Variants in SYNE1 observed in about 807,000 individuals in gnomAD.
SYNE1 encodes the protein spectrin repeat containing nuclear envelope protein 1.
In SYNE1, 616 loss-of-function variants were observed where a neutral mutation model predicts 1,111.0. That is an observed-to-expected ratio of 0.55 (90% CI 0.52 to 0.59). SYNE1 has a LOEUF of 0.59. SYNE1 is among the 20% of genes least tolerant of loss of function. SYNE1 has a pLI of 0.00. For missense variants in SYNE1, 10,006 were observed against 10,417.0 expected (o/e 0.96, Z 1.72); for synonymous variants, 3,855 against 3,825.8 (o/e 1.01, Z -0.28).
In SYNE1 at chr6:152,465,621, T is replaced by A. The variant is rs77063378; in HGVS notation, c.1730-161A>T. 0.022 allele frequency among the ~76,000 whole-genome samples: 3,404 copies of A among 152,224 alleles called. 70 individuals are homozygous for A. The highest frequency in any genetic ancestry group is 0.1 in the East Asian group (521 of 5,178). ...GACATAATTACAAATGGAAAACAAA[T>A]GTATTTTACAAATTGTGTCTTTACA... On this transcript the variant is annotated intron_variant, in intron 17 of 145. Transcript: ENST00000367255.
chr6:152,380,834 A>G (rs2097399547), intron 56 of SYNE1, among the ~76,000 whole-genome samples, 172 bp downstream of exon 56: 1 of 152,238 alleles, frequency 6.6e-6, no homozygotes, highest in Non-Finnish European at 1.5e-5. Flanking sequence ...CAAAAGTTTG[A>G]TATATAAGAA....
rs769876215 is a variant in SYNE1 at position 152,428,406 on chromosome 6, G to A, written c.4789-14C>T. The A allele has an allele frequency of 1.9e-5, 30 of 1,612,820 alleles. No homozygotes were observed. The Admixed American group carries it at 3.5e-4, about 19-fold the overall frequency. On this transcript the variant is annotated splice_polypyrimidine_tract_variant and intron_variant, in intron 36 of 145. Transcript: ENST00000367255. ...CTGGCAGAGATCCTAAGAAGAGTGC[G>A]AGAAGAATGCAGTGAAAGCACAGGA...
intron 38 of SYNE1, 89 bp from the exon 39 acceptor site, chr6:152,425,636 C>T (rs1441334847): frequency 4.0e-6 from 6 of 1,484,286 alleles, no homozygotes; most frequent in African/African-American, 2.8e-5. Flanking sequence ...CCAAAGGATT[C>T]GCATTCTTGC....
At chr6:152,467,893 T>C (rs1176196763) in intron 16 of SYNE1, among the ~76,000 whole-genome samples, 3 of 152,144 alleles carry the variant, frequency 2.0e-5, no homozygotes, top group Non-Finnish European at 4.4e-5. Context: ...ATTTTATCTA[T>C]TGAATCACTT....
At chr6:152,213,864 A>G in intron 122 of SYNE1, 105 bp from the exon 123 acceptor site, 2 of 1,501,558 alleles carry the variant, frequency 1.3e-6, no homozygotes, top group Non-Finnish European at 1.8e-6. Context: ...TTCTAATTGA[A>G]CCACCACAAA....
chr6:152,220,764 A>C, intron 119 of SYNE1, 78 bp downstream of exon 119: 1 of 1,329,614 alleles, frequency 7.5e-7, no homozygotes, highest in South Asian at 1.2e-5. Context: ...GACATACCAA[A>C]GCTTACACAG....
rs781515191 is a variant in SYNE1 at position 152,331,243 on chromosome 6, T to A, written c.13442A>T (p.His4481Leu). ...QHERKIMFREHICLLPDDVSK... is the reference protein window; with the variant it reads ...QHERKIMFRELICLLPDDVSK... ...CACATCATCTGGTAACAGACAGATG[T>A]GTTCACGGAACATTATCTTTCGCTC... is the stretch of plus-strand genomic sequence containing the variant. The change falls in exon 78 of 146, where the codon CAC becomes CTC. Residue 4481 changes from histidine (H) to leucine (L), a missense_variant. This residue lies in a region of SYNE1 where 4,955 missense variants were observed against 5,017.2 expected (regional missense o/e 0.99). Coordinates refer to ENST00000367255, the MANE Select transcript of SYNE1 (RefSeq NM_182961.4). 1.2e-6 allele frequency: 2 copies of A among 1,614,026 alleles called. No homozygotes were observed. The highest frequency in any genetic ancestry group is 2.2e-5 in the East Asian group (1 of 44,892).
chr6:152,259,133 TGCAGCTGGGATATCCTCCACCCA>T lies in SYNE1; in HGVS notation c.18973-2391_18973-2369del, dbSNP rs1176537281. ...TAAATATGCCAAGCCCATTCCCCAT[TGCAGCTGGGATATCCTCCACCCA>T]GCATCCCCTTAAAATCTACTACTTT... On this transcript the variant is annotated intron_variant, in intron 101 of 145. Transcript: ENST00000367255. Among the ~76,000 whole-genome samples the T allele has an allele frequency of 3.3e-5, 5 of 152,254 alleles. No homozygotes were observed. The East Asian group carries it at 9.7e-4, about 29-fold the overall frequency.
At chr6:152,482,111 C>T (rs756811152) in intron 14 of SYNE1, among the ~76,000 whole-genome samples, 1 of 152,052 alleles carries the variant, frequency 6.6e-6, no homozygotes, top group Non-Finnish European at 1.5e-5. Flanking sequence ...CAAATCTTGC[C>T]GTGGCCATCT....
chr6:152,321,156 T>G lies in SYNE1; in HGVS notation c.16236+82A>C. ...AACTCTGTCTCCAAGAAGACATTAT[T>G]GTGAAAATCAAGAACTCTCACACAA... On this transcript the variant is annotated intron_variant, in intron 84 of 145. Coordinates refer to ENST00000367255, the MANE Select transcript of SYNE1 (RefSeq NM_182961.4). The G allele has an allele frequency of 2.7e-6, 4 of 1,496,476 alleles. 1 individual carries two copies. In the Admixed American group the frequency reaches 7.3e-5, roughly 27 times the overall value. The allele number at this position is 1,496,476 out of a possible 1,614,324, so 92.7% of individuals were successfully genotyped here. A position where few individuals can be genotyped will look rare whatever the true frequency, so the allele number is the denominator to read the frequency against.
rs748641153 is a variant in SYNE1, at chr6:152,416,427, C to T, written c.6010G>A (p.Glu2004Lys). 1 of 1,614,170 alleles carries T rather than the reference C, an allele frequency of 6.2e-7. No homozygotes were observed. Among genetic ancestry groups the T allele is most frequent in the South Asian group, 1.1e-5 (1 of 91,080 alleles). Residue 2004 changes from glutamate (E) to lysine (K), a missense_variant, in exon 41 of 146, where the codon GAG becomes AAG. Transcript: ENST00000367255. ...TGGCGGGTAGGTTCTTTCAATCGCT[C>T]TTTGTCAGTCCTTTCTTCAATGTCC... The part of the protein sequence containing the change: ...IEDIEERTDK[E>K]RLKEPTRQAL...
Position 152,409,213 on chromosome 6 carries a change from T to TTGGCAGTTTCATG in SYNE1, c.6382_6394dup (p.Lys2132ThrfsTer2), listed in dbSNP as rs767232566. On this transcript the variant is annotated stop_gained and frameshift_variant, in exon 44 of 146. Coordinates refer to ENST00000367255, the MANE Select transcript of SYNE1 (RefSeq NM_182961.4). LOFTEE classifies it high-confidence loss of function. ...TTTCTGTTTGTAATTCATTTTGTTC[T>TTGGCAGTTTCATG]TGGCAGTTTCATGCTGTGGATAAAT... 6.2e-7 allele frequency: 1 copy of TTGGCAGTTTCATG among 1,614,128 alleles called. No homozygotes were observed. Among genetic ancestry groups the TTGGCAGTTTCATG allele is most frequent in the Admixed American group, 1.7e-5 (1 of 60,020 alleles).
intron 33 of SYNE1, chr6:152,435,320 T>C (rs1166927743): frequency 6.6e-6 from 1 of 151,890 alleles, no homozygotes; most frequent in Non-Finnish European, 1.5e-5. Flanking sequence ...CATATGTTTT[T>C]CCCCTCCAAA....
At chr6:152,250,107 T>C (rs59780029) in intron 104 of SYNE1, among the ~76,000 whole-genome samples, 1 of 149,234 alleles carries the variant, frequency 6.7e-6, no homozygotes, top group Non-Finnish European at 1.5e-5. Flanking sequence ...ACAAAAAGTT[T>C]AAAAAAAAAA....
At chr6:152,504,769 T>C (rs2099048770) in intron 9 of SYNE1, among the ~76,000 whole-genome samples, 1 of 152,180 alleles carries the variant, frequency 6.6e-6, no homozygotes, top group Non-Finnish European at 1.5e-5. Flanking sequence ...ATGACAAATA[T>C]TAGTCAAACA....
chr6:152,301,347 A>G (rs915787037), intron 92 of SYNE1, among the ~76,000 whole-genome samples: 2 of 152,232 alleles, frequency 1.3e-5, no homozygotes, highest in African/African-American at 4.8e-5. Flanking sequence ...GCAGAATAGA[A>G]AATAACAAAG....
intron 52 of SYNE1, 21 bp from the exon 53 acceptor site, chr6:152,390,473 CTCA>C (rs776605356): frequency 8.1e-6 from 13 of 1,613,278 alleles, no homozygotes; most frequent in Non-Finnish European, 1.1e-5. Context: ...AGAAAGAATA[CTCA>C]TCAGTAGGCA....
chr6:152,424,800 T>G (rs1440865898), intron 39 of SYNE1, among the ~76,000 whole-genome samples: 1 of 152,228 alleles, frequency 6.6e-6, no homozygotes, highest in Non-Finnish European at 1.5e-5. Flanking sequence ...ATGAATTAAT[T>G]TTTTAAATGG....
At chr6:152,306,273 G>A (rs1450919902) in intron 91 of SYNE1, among the ~76,000 whole-genome samples, 1 of 152,052 alleles carries the variant, frequency 6.6e-6, no homozygotes, top group Non-Finnish European at 1.5e-5. Context: ...ATCACTTGAG[G>A]TCAGGAGTTC....
Sources: allele counts gnomAD v4.1 joint callset (sites outside exome capture counted in the v4.1 genomes callset), GRCh38; gene constraint gnomAD v4.1.1; regional missense constraint gnomAD v4.1.1; transcripts MANE v1.5; gene names NCBI Gene and HGNC (gene_info 2026-07-23, HGNC 2026-07-21).